The following ANKRD17 variants were observed in gnomAD, a reference collection of about 807,000 sequenced individuals.
ANKRD17 encodes the protein ankyrin repeat domain-containing protein 17.
A neutral mutation model predicts 229.7 loss-of-function variants in ANKRD17; 19 were observed. That is an observed-to-expected ratio of 0.08 (90% CI 0.06 to 0.12). The LOEUF (loss-of-function observed/expected upper bound fraction) is 0.12, where lower values mean the gene tolerates loss of function less well. Ranked by LOEUF, ANKRD17 falls within the 10% of genes least tolerant of loss-of-function variation. The probability of loss-of-function intolerance (pLI) is 1.00; values close to 1 mark genes in which losing one functional copy is unlikely to be tolerated. For synonymous variants in ANKRD17, 1,112 were observed against 1,146.1 expected, an observed-to-expected ratio of 0.97 and a Z score of 0.60; for missense variants, 2,176 against 3,176.8, an observed-to-expected ratio of 0.68 and a Z score of 7.57.
intron 24 of ANKRD17, among the ~76,000 whole-genome samples, chr4:73,110,598 A>C (rs1442242272): frequency 6.6e-6 from 1 of 152,226 alleles, no homozygotes; most frequent in Non-Finnish European, 1.5e-5. Flanking sequence ...CCAGCGATGA[A>C]GCCAGAATGT....
chr4:73,160,353 G>A (rs1173317480), intron 3 of ANKRD17, among the ~76,000 whole-genome samples: 1 of 151,832 alleles, frequency 6.6e-6, no homozygotes. Flanking sequence ...CGAGTAGCGG[G>A]GATTGCAGGC....
At chr4:73,193,867 G>A (rs1737469324) in intron 1 of ANKRD17, among the ~76,000 whole-genome samples, 1 of 152,252 alleles carries the variant, frequency 6.6e-6, no homozygotes, top group African/African-American at 2.4e-5. Context: ...AGGAGGTTGA[G>A]GCTGCAGTGA....
chr4:73,086,919 A>AATATATAT (rs61024099), intron 29 of ANKRD17, among the ~76,000 whole-genome samples: 645 of 12,426 alleles, frequency 0.052, 87 homozygotes, highest in Non-Finnish European at 0.086. Context: ...AAAAAAAAAA[A>AATATATAT]ATATATATAT....
chr4:73,204,291 G>A (rs1340910569), intron 1 of ANKRD17, among the ~76,000 whole-genome samples: 1 of 149,610 alleles, frequency 6.7e-6, no homozygotes, highest in East Asian at 2.0e-4. Context: ...AACCCGAGAG[G>A]CGGAGCTTGC....
chr4:73,126,793 G>A (rs1032714865), intron 16 of ANKRD17, among the ~76,000 whole-genome samples: 1 of 151,848 alleles, frequency 6.6e-6, no homozygotes, highest in Non-Finnish European at 1.5e-5. Context: ...GTGCAGTGGC[G>A]CGATCTTGGC....
intron 2 of ANKRD17, among the ~76,000 whole-genome samples, chr4:73,164,540 G>C (rs961428299): frequency 6.6e-6 from 1 of 152,068 alleles, no homozygotes; most frequent in African/African-American, 2.4e-5. Context: ...GGTGGCTTAC[G>C]CCTGTAATCC....
intron 24 of ANKRD17, among the ~76,000 whole-genome samples, chr4:73,106,352 T>G (rs1206122179): frequency 1.3e-5 from 2 of 152,144 alleles, no homozygotes; most frequent in Non-Finnish European, 2.9e-5. Flanking sequence ...ACTTGGGAGT[T>G]AGGCTTTATA....
At chr4:73,210,685 A>G (rs910929336) in intron 1 of ANKRD17, among the ~76,000 whole-genome samples, 1 of 152,176 alleles carries the variant, frequency 6.6e-6, no homozygotes, top group African/African-American at 2.4e-5. Flanking sequence ...ACTCTGTATA[A>G]ACAATGTGAA....
chr4:73,255,885 G>A (rs1745407256), intron 1 of ANKRD17, among the ~76,000 whole-genome samples: 1 of 151,968 alleles, frequency 6.6e-6, no homozygotes, highest in Non-Finnish European at 1.5e-5. Context: ...CACCACACTC[G>A]GCTAATTTTT....
At chr4:73,139,414 GA>G in intron 15 of ANKRD17, 116 bp downstream of exon 15, 2 of 1,190,900 alleles carry the variant, frequency 1.7e-6, no homozygotes, top group Non-Finnish European at 2.3e-6. Flanking sequence ...TCTAAAGCTA[GA>G]CATGAGTCAG....
intron 1 of ANKRD17, among the ~76,000 whole-genome samples, chr4:73,221,047 TA>T (rs1162662783): frequency 6.6e-6 from 1 of 152,182 alleles, no homozygotes; most frequent in Non-Finnish European, 1.5e-5. Context: ...TCTGTATTTT[TA>T]GCACTGTGTC....
At chr4:73,093,378 T>TC (rs1425075317) in intron 28 of ANKRD17, among the ~76,000 whole-genome samples, 1 of 145,892 alleles carries the variant, frequency 6.9e-6, no homozygotes, top group Non-Finnish European at 1.5e-5. Flanking sequence ...CTCAAATTCT[T>TC]TTTTTTTTTT....
intron 1 of ANKRD17, among the ~76,000 whole-genome samples, chr4:73,198,380 A>G (rs1007892749): frequency 6.6e-6 from 1 of 152,210 alleles, no homozygotes; most frequent in African/African-American, 2.4e-5. Flanking sequence ...TATACTTAAC[A>G]AATTTGTATA....
chr4:73,165,273 T>C (rs1733079878), intron 2 of ANKRD17, among the ~76,000 whole-genome samples: 2 of 152,268 alleles, frequency 1.3e-5, no homozygotes, highest in Non-Finnish European at 2.9e-5. Context: ...AGCTGAACAC[T>C]TGTGAGGAGT....
At chr4:73,090,523 C>T (rs1722691235) in intron 29 of ANKRD17, 144 bp downstream of exon 29, 8 of 1,027,818 alleles carry the variant, frequency 7.8e-6, no homozygotes, top group African/African-American at 1.6e-5. Flanking sequence ...CCATACTAAA[C>T]ACAAACAACA....
In ANKRD17 at chr4:73,131,686, G is replaced by T. The variant is rs539549779; in HGVS notation, c.3234+3431C>A. Among the ~76,000 whole-genome samples, 288 of 152,262 alleles carry T rather than the reference G, an allele frequency of 1.9e-3. 2 individuals carry two copies. The highest frequency in any genetic ancestry group is 6.3e-3 in the African/African-American group (262 of 41,546). On this transcript the variant is annotated intron_variant, in intron 16 of 33. Transcript: ENST00000358602. ...GCCAGAGTGTCTGAGTTCAAAAGTA[G>T]GCTCCACCACTAATTAGCTGTTGGG...
Position 73,139,647 on chromosome 4 carries a change from A to T in ANKRD17, c.2969T>A (p.Leu990Gln). ...LQGVIVGQPV[L>Q]GQAQLAGLGQ... ...CAGCCCTGCCAACTGTGCTTGGCCC[A>T]GTACTGGCTGTCCAACTATCACTCC... Residue 990 changes from leucine (L) to glutamine (Q), a missense_variant, in exon 15 of 34, where the codon CTG (leucine) becomes CAG (glutamine). This residue lies in a region of ANKRD17 where 230 missense variants were observed against 252.3 expected (regional missense o/e 0.91). Coordinates refer to ENST00000358602, the MANE Select transcript of ANKRD17 (RefSeq NM_032217.5). 1.2e-6 allele frequency: 2 copies of T among 1,614,132 alleles called. No individual in the cohort carries two copies. The highest frequency in any genetic ancestry group is 1.7e-6 in the Non-Finnish European group (2 of 1,180,022).
intron 24 of ANKRD17, among the ~76,000 whole-genome samples, chr4:73,109,763 G>A (rs923228334): frequency 7.2e-5 from 11 of 151,984 alleles, no homozygotes; most frequent in Admixed American, 5.2e-4. Context: ...TTCTCGACAC[G>A]TTTAGTTACT....
intron 33 of ANKRD17, 135 bp downstream of exon 33, chr4:73,076,805 T>C (rs993173878): frequency 3.2e-5 from 35 of 1,087,914 alleles, no homozygotes; most frequent in Non-Finnish European, 4.2e-5. Flanking sequence ...CTCTGCTATA[T>C]TGCAGCTATA....
Sources: allele counts gnomAD v4.1 joint callset (sites outside exome capture counted in the v4.1 genomes callset), GRCh38; gene constraint gnomAD v4.1.1; regional missense constraint gnomAD v4.1.1; transcripts MANE v1.5; gene names NCBI Gene and HGNC (gene_info 2026-07-23, HGNC 2026-07-21).